NOL4: variants seen among roughly 807,000 people sequenced by gnomAD.
NOL4 encodes nucleolar protein 4, also known as cancer/testis antigen 125.
In NOL4, 17 loss-of-function variants were observed where a neutral mutation model predicts 75.9. That is an observed-to-expected ratio of 0.22 (90% CI 0.15 to 0.34). NOL4 has a LOEUF of 0.34. NOL4 is among the 10% of genes least tolerant of loss of function. NOL4 has a pLI of 1.00. For missense variants in NOL4, 614 were observed against 793.5 expected, an observed-to-expected ratio of 0.77 and a Z score of 2.72; for synonymous variants, 292 against 289.9, an observed-to-expected ratio of 1.01 and a Z score of -0.07.
chr18:33,895,953 AG>A (rs2065376095), intron 9 of NOL4, among the ~76,000 whole-genome samples: 1 of 152,128 alleles, frequency 6.6e-6, no homozygotes, highest in African/African-American at 2.4e-5. Flanking sequence ...AACTTAGCAA[AG>A]TTTCAGGATA....
chr18:33,864,756 G>C (rs995782589), intron 10 of NOL4, among the ~76,000 whole-genome samples: 6 of 152,250 alleles, frequency 3.9e-5, no homozygotes, highest in East Asian at 3.9e-4. Context: ...CCTGAGACTG[G>C]ATAATTTATA....
chr18:33,966,680 C>T (rs1440347495), intron 6 of NOL4, among the ~76,000 whole-genome samples: 1 of 151,948 alleles, frequency 6.6e-6, no homozygotes, highest in African/African-American at 2.4e-5. Context: ...ATCAACAATG[C>T]AAACACCAAT....
intron 6 of NOL4, among the ~76,000 whole-genome samples, chr18:33,977,991 T>C (rs528369161): frequency 3.9e-5 from 6 of 152,198 alleles, no homozygotes; most frequent in African/African-American, 9.6e-5. Flanking sequence ...AAAGTTGCTA[T>C]GGGCTGGTGC....
chr18:34,140,533 T>C (rs2081100866), intron 1 of NOL4, among the ~76,000 whole-genome samples: 1 of 152,160 alleles, frequency 6.6e-6, no homozygotes, highest in Non-Finnish European at 1.5e-5. Flanking sequence ...ATTTGCTTGG[T>C]AGATCTTCCT....
chr18:34,059,629 C>T (rs1255717233), intron 5 of NOL4, among the ~76,000 whole-genome samples: 1 of 152,108 alleles, frequency 6.6e-6, no homozygotes, highest in East Asian at 1.9e-4. Context: ...ATAACTTTCT[C>T]CTTGTGAAAT....
intron 5 of NOL4, among the ~76,000 whole-genome samples, chr18:34,060,767 G>C (rs570564825): frequency 2.6e-5 from 4 of 152,326 alleles, no homozygotes; most frequent in African/African-American, 9.6e-5. Context: ...CCAGGACTTA[G>C]AGAAAGTTCA....
chr18:34,076,568 G>A (rs1012946267), intron 5 of NOL4, among the ~76,000 whole-genome samples: 3 of 152,130 alleles, frequency 2.0e-5, no homozygotes, highest in Non-Finnish European at 2.9e-5. Flanking sequence ...GCAGTTGCAG[G>A]AGACCCTCAG....
At chr18:34,152,497 C>A (rs948185697) in intron 1 of NOL4, among the ~76,000 whole-genome samples, 3 of 151,814 alleles carry the variant, frequency 2.0e-5, no homozygotes, top group Admixed American at 6.6e-5. Context: ...CACAGTGAAT[C>A]CTACACAGGA....
intron 9 of NOL4, among the ~76,000 whole-genome samples, chr18:33,929,581 T>C (rs866841659): frequency 4.6e-5 from 7 of 152,282 alleles, no homozygotes; most frequent in Middle Eastern, 3.4e-3. Context: ...TGCTCAGTGG[T>C]GATATTGTCA....
chr18:33,871,230 G>C (rs1454444529), intron 10 of NOL4, among the ~76,000 whole-genome samples: 1 of 151,998 alleles, frequency 6.6e-6, no homozygotes, highest in Non-Finnish European at 1.5e-5. Context: ...GAAAAACGAA[G>C]ACACATTTAG....
chr18:34,133,291 A>G (rs1363555963), intron 1 of NOL4, among the ~76,000 whole-genome samples: 1 of 148,686 alleles, frequency 6.7e-6, no homozygotes, highest in African/African-American at 2.5e-5. Flanking sequence ...AAAAAAAAAA[A>G]GTGAAATACA....
At chr18:33,874,404 T>G (rs2063837266) in intron 10 of NOL4, among the ~76,000 whole-genome samples, 1 of 151,914 alleles carries the variant, frequency 6.6e-6, no homozygotes, top group Non-Finnish European at 1.5e-5. Flanking sequence ...CTCCTTAGGG[T>G]ATTAAGAGAA....
intron 10 of NOL4, among the ~76,000 whole-genome samples, chr18:33,882,251 C>A (rs1229296712): frequency 6.6e-6 from 1 of 152,032 alleles, no homozygotes; most frequent in African/African-American, 2.4e-5. Flanking sequence ...AAGAAACTAC[C>A]ATCAGAGTGA....
intron 10 of NOL4, among the ~76,000 whole-genome samples, chr18:33,880,647 G>T (rs535825524): frequency 6.6e-6 from 1 of 151,934 alleles, no homozygotes; most frequent in Non-Finnish European, 1.5e-5. Flanking sequence ...GTTTCATTTT[G>T]TATGTTCTTA....
At chr18:34,107,892 T>C (rs2079384791) in intron 2 of NOL4, among the ~76,000 whole-genome samples, 1 of 152,054 alleles carries the variant, frequency 6.6e-6, no homozygotes, top group African/African-American at 2.4e-5. Flanking sequence ...TTACAGCACC[T>C]GAGTAGAGCA....
At chr18:34,030,968 C>T (rs1006279915) in intron 5 of NOL4, among the ~76,000 whole-genome samples, 1 of 151,342 alleles carries the variant, frequency 6.6e-6, no homozygotes, top group Non-Finnish European at 1.5e-5. Flanking sequence ...ATAGGGAGAA[C>T]AAGTCATGGT....
At chr18:33,942,745 G>A (rs1021715303) in intron 9 of NOL4, among the ~76,000 whole-genome samples, 1 of 151,634 alleles carries the variant, frequency 6.6e-6, no homozygotes, top group African/African-American at 2.4e-5. Context: ...TAAGTCATGA[G>A]GTAAATTTAC....
chr18:34,024,194 A>AAAAAAAAAAATATATAT, intron 5 of NOL4, among the ~76,000 whole-genome samples: 1 of 70,698 alleles, frequency 1.4e-5, no homozygotes, highest in African/African-American at 5.3e-5. Context: ...AAAAAAAAAA[A>AAAAAAAAAAATATATAT]ATATATATAT....
intron 9 of NOL4, among the ~76,000 whole-genome samples, chr18:33,927,758 A>T (rs1215690616): frequency 6.6e-6 from 1 of 152,206 alleles, no homozygotes; most frequent in East Asian, 1.9e-4. Flanking sequence ...AGTAATCTCC[A>T]GCTCTTTAGA....
Sources: allele counts gnomAD v4.1 joint callset (sites outside exome capture counted in the v4.1 genomes callset), GRCh38; gene constraint gnomAD v4.1.1; transcripts MANE v1.5; gene names NCBI Gene and HGNC (gene_info 2026-07-23, HGNC 2026-07-21).